The following BIRC7 variants were observed in gnomAD, a reference collection of about 807,000 sequenced individuals.
BIRC7 encodes the protein baculoviral IAP repeat-containing protein 7.
A neutral mutation model predicts 33.2 loss-of-function variants in BIRC7; 26 were observed. That is an observed-to-expected ratio of 0.78 (90% CI 0.57 to 1.09). The LOEUF (loss-of-function observed/expected upper bound fraction) is 1.09. Among genes scored for constraint, BIRC7 ranks in the 50% least tolerant of loss-of-function variants. The pLI, the probability that BIRC7 is intolerant of heterozygous loss-of-function variation, is 0.00. For missense variants in BIRC7, 409 were observed against 401.2 expected, an observed-to-expected ratio of 1.02 and a Z score of -0.17; for synonymous variants, 176 against 171.0, an observed-to-expected ratio of 1.03 and a Z score of -0.23.
Position 63,236,235 on chromosome 20 carries a change from G to A in BIRC7, c.139G>A (p.Ala47Thr). ...TGTCCTAGGCCTGGACACCTGCAGA[G>A]CCTGGGACCACGTGGATGGGCAGAT... ...SPVLGLDTCR[A>T]WDHVDGQILG... The change falls in exon 1 of 7, where the codon GCC becomes ACC. Residue 47 changes from alanine to threonine, a missense_variant. Ala to Thr is a moderately conservative substitution (Grantham distance 58). Transcript: ENST00000217169. The A allele has an allele frequency of 6.3e-7, 1 of 1,596,934 alleles. No individual in the cohort carries two copies. The highest frequency in any genetic ancestry group is 8.5e-7 in the Non-Finnish European group (1 of 1,171,348).
rs142694005 is a variant in BIRC7, at chr20:63,239,468, G to A, written c.760G>A (p.Val254Met). Reference sequence around the variant, plus strand: ...GCTGCAGGAGGAGAGGACGTGCAAGGTGTGCCTGGACCGCGCCGTGTCCAT... The same window carrying A: ...GCTGCAGGAGGAGAGGACGTGCAAGATGTGCCTGGACCGCGCCGTGTCCAT... ...RRLQEERTCK[V>M]CLDRAVSIVF... is the part of the protein sequence containing the mutation. Residue 254 changes from valine to methionine, a missense_variant, in exon 6 of 7, where the codon GTG becomes ATG. Val to Met is a conservative substitution (Grantham distance 21). Transcript: ENST00000217169. The A allele has an allele frequency of 1.2e-5, 20 of 1,606,908 alleles. No individual in the cohort carries two copies. In the African/African-American group the frequency reaches 2.4e-4, roughly 19 times the overall value.
intron 1 of BIRC7, 58 bp from the exon 2 acceptor site, chr20:63,237,845 C>T: frequency 1.0e-5 from 15 of 1,470,762 alleles, no homozygotes; most frequent in Non-Finnish European, 1.3e-5. Context: ...GAAGGACACA[C>T]CGGGGGCCCG....
At chr20:63,239,937 G>C (rs1235544616) in intron 6 of BIRC7, among the ~76,000 whole-genome samples, 1 of 152,238 alleles carries the variant, frequency 6.6e-6, no homozygotes, top group East Asian at 1.9e-4. Context: ...GGGGAAACAG[G>C]GTGGGCCAGG....
intron 6 of BIRC7, among the ~76,000 whole-genome samples, chr20:63,240,019 G>A (rs1196682260): frequency 6.6e-6 from 1 of 152,266 alleles, no homozygotes; most frequent in Non-Finnish European, 1.5e-5. Flanking sequence ...CACCTGCACG[G>A]GAAGGGGGTG....
At chr20:63,239,886 T>C (rs910277203) in intron 6 of BIRC7, among the ~76,000 whole-genome samples, 2 of 152,210 alleles carry the variant, frequency 1.3e-5, no homozygotes, top group African/African-American at 4.8e-5. Flanking sequence ...TCAGCCTTGA[T>C]TTTCCTCAGT....
intron 1 of BIRC7, among the ~76,000 whole-genome samples, chr20:63,237,427 G>C (rs1308581958): frequency 6.6e-6 from 1 of 152,172 alleles, no homozygotes; most frequent in East Asian, 1.9e-4. Context: ...CCAGGAGGTA[G>C]AGAGATGACG....
rs567181959 is a variant in BIRC7, at chr20:63,236,328, G to A, written c.232G>A (p.Gly78Arg). Residue 78 changes from glycine to arginine, a missense_variant, in exon 1 of 7, where the codon GGG becomes AGG. Transcript: ENST00000217169. ...GGGCGCCGGGGCCACCTTGTCCAGG[G>A]GGCCTGCCTTCCCCGGCATGGGCTC... ...EEGAGATLSR[G>R]PAFPGMGSEE... 1.0e-5 allele frequency: 16 copies of A among 1,606,014 alleles called. No homozygotes were observed. The East Asian group carries it at 1.1e-4, about 11-fold the overall frequency.
At chr20:63,238,820 C>T in intron 4 of BIRC7, 1 of 685,238 alleles carries the variant, frequency 1.5e-6, no homozygotes, top group South Asian at 1.9e-5. Context: ...AGTGCCAGGC[C>T]CCATTCTGCT....
intron 1 of BIRC7, among the ~76,000 whole-genome samples, chr20:63,236,891 G>C (rs2066692428): frequency 6.6e-6 from 1 of 152,246 alleles, no homozygotes; most frequent in Non-Finnish European, 1.5e-5. Flanking sequence ...TGCTCAGCCT[G>C]TGGGGAATTT....
chr20:63,239,510 G>T lies in BIRC7; in HGVS notation c.802G>T (p.Gly268Cys). Residue 268 changes from glycine (G) to cysteine (C), a missense_variant, in exon 6 of 7, where the codon GGC becomes TGC. Gly to Cys is a radical substitution (Grantham distance 159). Coordinates refer to ENST00000217169, the MANE Select transcript of BIRC7 (RefSeq NM_139317.3). ...CGTGTCCATCGTCTTTGTGCCGTGCGGCCACCTGGTCTGTGCTGAGTGTGC... is the reference window on the plus strand; with the variant it reads ...CGTGTCCATCGTCTTTGTGCCGTGCTGCCACCTGGTCTGTGCTGAGTGTGC... ...RAVSIVFVPCGHLVCAECAPG... is the reference protein window; with the variant it reads ...RAVSIVFVPCCHLVCAECAPG... The T allele has an allele frequency of 6.2e-7, 1 of 1,606,060 alleles. No homozygotes were observed.
chr20:63,238,408 G>T lies in BIRC7; in HGVS notation c.462G>T (p.Leu154=). 6.2e-7 allele frequency: 1 copy of T among 1,611,820 alleles called. No homozygotes were observed. The highest frequency in any genetic ancestry group is 1.3e-5 in the African/African-American group (1 of 75,058). ...GGGGCATCTGCAGCTGTCAGTTCCT[G>T]CTCCGGTCAAAAGGAAGAGACTTTG... ...HAKWFPSCQF[L]LRSKGRDFVH... Residue 154 remains leucine (L), a synonymous_variant, in exon 3 of 7, where the codon CTG becomes CTT. Coordinates refer to ENST00000217169, the MANE Select transcript of BIRC7 (RefSeq NM_139317.3).
rs1486268360 is a variant in BIRC7 at position 63,239,477 on chromosome 20, G to C, written c.769G>C (p.Asp257His). The change falls in exon 6 of 7, where the codon GAC becomes CAC. Residue 257 changes from aspartate (D) to histidine (H), a missense_variant. Physicochemically the swap from Asp to His is moderately conservative, Grantham distance 81. Coordinates refer to ENST00000217169, the MANE Select transcript of BIRC7 (RefSeq NM_139317.3). ...QEERTCKVCL[D>H]RAVSIVFVPC... is the part of the protein sequence containing the mutation. ...GGAGAGGACGTGCAAGGTGTGCCTGGACCGCGCCGTGTCCATCGTCTTTGT... is the reference window on the plus strand; with the variant it reads ...GGAGAGGACGTGCAAGGTGTGCCTGCACCGCGCCGTGTCCATCGTCTTTGT... The C allele has an allele frequency of 4.4e-6, 7 of 1,606,812 alleles. No homozygotes were observed. The highest frequency in any genetic ancestry group is 4.0e-5 in the African/African-American group (3 of 74,904).
At chr20:63,236,514 G>T (rs1337329517) in intron 1 of BIRC7, 69 bp downstream of exon 1, 1 of 1,475,160 alleles carries the variant, frequency 6.8e-7, no homozygotes, top group Non-Finnish European at 9.0e-7. Flanking sequence ...CCAGCCCAGG[G>T]CTCTGCCTCC....
chr20:63,238,514 T>A, intron 3 of BIRC7, 37 bp downstream of exon 3: 1 of 1,613,018 alleles, frequency 6.2e-7, no homozygotes, highest in Non-Finnish European at 8.5e-7. Context: ...CGGGTGGCAG[T>A]GGGGTCCTGC....
chr20:63,236,855 G>A (rs1414714348), intron 1 of BIRC7, among the ~76,000 whole-genome samples: 1 of 152,260 alleles, frequency 6.6e-6, no homozygotes, highest in Non-Finnish European at 1.5e-5. Context: ...ACCAAGGCAG[G>A]CAGTGGTCAG....
At chr20:63,239,283 G>T in intron 5 of BIRC7, 50 bp downstream of exon 5, 2 of 1,608,094 alleles carry the variant, frequency 1.2e-6, no homozygotes, top group South Asian at 2.2e-5. Context: ...GGAGGGCTGA[G>T]GGACCCCGAC....
At chr20:63,239,311 G>A in intron 5 of BIRC7, 47 bp from the exon 6 acceptor site, 1 of 1,604,900 alleles carries the variant, frequency 6.2e-7, no homozygotes. Context: ...GGCCCATAGA[G>A]GGTGGGGGCC....
intron 1 of BIRC7, 118 bp from the exon 2 acceptor site, chr20:63,237,785 C>A: frequency 5.1e-6 from 4 of 791,816 alleles, no homozygotes; most frequent in Non-Finnish European, 7.6e-6. Context: ...ACCCCCTCCT[C>A]CTTCTTGCCA....
intron 6 of BIRC7, 132 bp downstream of exon 6, chr20:63,239,742 G>A (rs1450600225): frequency 7.8e-7 from 1 of 1,278,440 alleles, no homozygotes; most frequent in Non-Finnish European, 1.0e-6. Flanking sequence ...CCGGCTCCCA[G>A]GTCCCGCTGA....
Sources: gnomAD v4.1 joint callset for allele counts (sites outside exome capture counted in the v4.1 genomes callset) on GRCh38, gnomAD v4.1.1 for gene constraint, MANE v1.5 for transcripts, NCBI Gene and HGNC (gene_info 2026-07-23, HGNC 2026-07-21) for gene names.